Variants in SASH1 observed in about 807,000 individuals in gnomAD.
SASH1 encodes the protein SAM and SH3 domain containing 1.
A neutral mutation model predicts 125.2 loss-of-function variants in SASH1; 44 were observed. The observed-to-expected ratio is 0.35, with a 90% CI of 0.28 to 0.45. The LOEUF (loss-of-function observed/expected upper bound fraction) is 0.45, where lower values mean the gene tolerates loss of function less well. Among genes scored for constraint, SASH1 ranks in the 20% least tolerant of loss-of-function variants. The pLI, the probability that SASH1 is intolerant of heterozygous loss-of-function variation, is 1.00. For missense variants in SASH1, 1,426 were observed against 1,614.5 expected, an observed-to-expected ratio of 0.88 and a Z score of 2.00; for synonymous variants, 639 against 649.1, an observed-to-expected ratio of 0.98 and a Z score of 0.24.
At chr6:148,229,629 T>C in the SASH1 span, among the ~76,000 whole-genome samples, 105 of 152,246 alleles carry the variant, frequency 6.9e-4, no homozygotes, top group Middle Eastern at 3.4e-3. Context: ...TTGTATGCCT[T>C]ATAATTTATT....
intron 1 of SASH1, among the ~76,000 whole-genome samples, chr6:148,279,604 T>C (rs1398345509): frequency 2.0e-5 from 3 of 152,172 alleles, no homozygotes; most frequent in Non-Finnish European, 2.9e-5. Context: ...TGAGATTTGC[T>C]TTCTAACCTT....
intron 1 of SASH1, among the ~76,000 whole-genome samples, chr6:148,294,748 G>C (rs1779718456): frequency 6.6e-6 from 1 of 152,124 alleles, no homozygotes; most frequent in South Asian, 2.1e-4. Flanking sequence ...GAACGAGAGG[G>C]GAGCAAAAAT....
intron 4 of SASH1, among the ~76,000 whole-genome samples, chr6:148,448,464 C>T (rs1333398868): frequency 6.6e-6 from 1 of 152,184 alleles, no homozygotes; most frequent in Non-Finnish European, 1.5e-5. Flanking sequence ...GGCCTCTCCC[C>T]ACGTGAGTCC....
intron 19 of SASH1, among the ~76,000 whole-genome samples, chr6:148,546,853 T>G (rs1319269929): frequency 2.0e-5 from 3 of 152,126 alleles, no homozygotes; most frequent in Non-Finnish European, 2.9e-5. Flanking sequence ...TGTTGGCTAT[T>G]ATCAGATCAT....
At chr6:148,289,627 C>T (rs765724399) in intron 1 of SASH1, among the ~76,000 whole-genome samples, 1 of 152,118 alleles carries the variant, frequency 6.6e-6, no homozygotes, top group Non-Finnish European at 1.5e-5. Flanking sequence ...GAGACATAGA[C>T]AATTGTTACT....
At chr6:148,346,730 G>C (rs1440672485) in intron 1 of SASH1, among the ~76,000 whole-genome samples, 2 of 152,220 alleles carry the variant, frequency 1.3e-5, no homozygotes, top group African/African-American at 4.8e-5. Flanking sequence ...AATACATTCT[G>C]CTCTGGCTGA....
intron 1 of SASH1, among the ~76,000 whole-genome samples, chr6:148,318,885 A>T: frequency 6.6e-6 from 1 of 152,002 alleles, no homozygotes; most frequent in East Asian, 2.0e-4. Flanking sequence ...TCACACAGAG[A>T]ATATTTTCCC....
the SASH1 span, among the ~76,000 whole-genome samples, chr6:148,239,772 T>A: frequency 4.2e-3 from 643 of 151,860 alleles, 4 homozygotes; most frequent in Middle Eastern, 0.01. Context: ...CATGCTATAA[T>A]AGTGCTTCTT....
At chr6:148,489,028 C>T (rs543367626) in intron 8 of SASH1, among the ~76,000 whole-genome samples, 77 of 152,182 alleles carry the variant, frequency 5.1e-4, no homozygotes, top group African/African-American at 1.7e-3. Context: ...GTGTCATATC[C>T]AAAAAATCAT....
intron 1 of SASH1, among the ~76,000 whole-genome samples, chr6:148,376,271 G>A (rs62433982): frequency 6.6e-6 from 1 of 152,030 alleles, no homozygotes; most frequent in African/African-American, 2.4e-5. Flanking sequence ...GTTTCACCAT[G>A]TTGGCCAGGC....
At chr6:148,482,600 C>A (rs543589223) in intron 7 of SASH1, among the ~76,000 whole-genome samples, 2 of 151,670 alleles carry the variant, frequency 1.3e-5, no homozygotes, top group African/African-American at 4.8e-5. Flanking sequence ...TGGTTCACTG[C>A]AGCCTCGACC....
Position 148,343,120 on chromosome 6 carries a change from A to AGCCGGAGCCCGAGCCCGC in SASH1, c.63_80dup (p.Ala24_Pro29dup), listed in dbSNP as rs746454305. ...GGGCCGGAGCCTGAGCCCGAGCCCG[A>AGCCGGAGCCCGAGCCCGC]GCCGGAGCCCGAGCCCGCGCCGGAG... is the stretch of plus-strand genomic sequence containing the variant. On this transcript the variant is annotated inframe_insertion, in exon 1 of 20. Coordinates refer to ENST00000367467, the MANE Select transcript of SASH1 (RefSeq NM_015278.5). The AGCCGGAGCCCGAGCCCGC allele has an allele frequency of 1.2e-5, 19 of 1,589,812 alleles. No homozygotes were observed. Among genetic ancestry groups the AGCCGGAGCCCGAGCCCGC allele is most frequent in the African/African-American group, 9.4e-5 (7 of 74,144 alleles).
chr6:148,315,055 G>T (rs147710016), intron 1 of SASH1, among the ~76,000 whole-genome samples: 33 of 152,218 alleles, frequency 2.2e-4, no homozygotes, highest in Middle Eastern at 3.4e-3. Flanking sequence ...ACTGTACTCA[G>T]CCCCGTATAA....
chr6:148,212,067 A>G, the SASH1 span, among the ~76,000 whole-genome samples: 8 of 152,134 alleles, frequency 5.3e-5, no homozygotes, highest in Non-Finnish European at 1.2e-4. Context: ...AACCAGCGTC[A>G]CTGGGAGACA....
chr6:148,398,730 G>T lies in SASH1; in HGVS notation c.285+8468G>T, dbSNP rs545144634. ...CACTTACATTATTTGCTAGCTTTGG[G>T]CTACAGCTGATTTGAAGATGGTGAT... On this transcript the variant is annotated intron_variant, in intron 2 of 19. Coordinates refer to ENST00000367467, the MANE Select transcript of SASH1 (RefSeq NM_015278.5). Among the ~76,000 whole-genome samples the T allele has an allele frequency of 3.3e-4, 50 of 152,214 alleles. 1 individual carries two copies. The South Asian group carries it at 0.01, about 32-fold the overall frequency.
At chr6:148,416,634 A>C (rs1005984606) in intron 2 of SASH1, among the ~76,000 whole-genome samples, 3 of 152,194 alleles carry the variant, frequency 2.0e-5, no homozygotes, top group Admixed American at 1.3e-4. Flanking sequence ...TCCTGCACAC[A>C]CGCCACCAGC....
intron 1 of SASH1, among the ~76,000 whole-genome samples, chr6:148,314,179 A>T (rs1780413594): frequency 6.6e-6 from 1 of 152,178 alleles, no homozygotes. Flanking sequence ...CGGAGCAGCC[A>T]TTATTTTTGT....
chr6:148,525,993 C>T (rs1231197691), intron 11 of SASH1, among the ~76,000 whole-genome samples: 1 of 146,550 alleles, frequency 6.8e-6, no homozygotes, highest in Non-Finnish European at 1.5e-5. Context: ...CAGTGGCACA[C>T]AAGTTTTGTT....
intron 2 of SASH1, among the ~76,000 whole-genome samples, chr6:148,425,556 C>T (rs1246557514): frequency 1.3e-5 from 2 of 152,026 alleles, no homozygotes; most frequent in Non-Finnish European, 2.9e-5. Flanking sequence ...ACAGTTATTT[C>T]AAAGACAATT....
Sources: allele counts gnomAD v4.1 joint callset (sites outside exome capture counted in the v4.1 genomes callset), GRCh38; gene constraint gnomAD v4.1.1; transcripts MANE v1.5; gene names NCBI Gene and HGNC (gene_info 2026-07-23, HGNC 2026-07-21).